Variants in LNX1 observed in about 807,000 individuals in gnomAD.
LNX1 encodes the protein E3 ubiquitin-protein ligase LNX.
In LNX1, 54 loss-of-function variants were observed where a neutral mutation model predicts 68.4. The observed-to-expected ratio is 0.79, with a 90% CI of 0.63 to 0.99. The LOEUF is 0.99. LNX1 is among the 50% of genes least tolerant of loss of function. The pLI is 0.00. For missense variants in LNX1, 906 were observed against 926.4 expected (o/e 0.98, Z 0.29); for synonymous variants, 336 against 350.0 (o/e 0.96, Z 0.45).
intron 2 of LNX1, among the ~76,000 whole-genome samples, chr4:53,544,260 T>C (rs1728950917): frequency 6.6e-6 from 1 of 151,910 alleles, no homozygotes; most frequent in South Asian, 2.1e-4. Flanking sequence ...AGTGGTGCCA[T>C]CTCAGCTCAC....
In LNX1 at chr4:53,498,722, G is replaced by T; in HGVS notation, c.897C>A (p.Val299=). Residue 299 remains valine (V), a synonymous_variant, in exon 5 of 11, where the codon GTC becomes GTA. Coordinates refer to ENST00000263925, the MANE Select transcript of LNX1 (RefSeq NM_001126328.3). ...GATAAATGTGTTGGATAATGATATG[G>T]ACCAGTGGGGTTTCGCTACCTCCCA... is the stretch of plus-strand genomic sequence containing the variant. The part of the protein sequence containing the change: ...RLVGGSETPL[V]HIIIQHIYRD... The T allele has an allele frequency of 1.2e-6, 2 of 1,613,976 alleles. No homozygotes were observed. The highest frequency in any genetic ancestry group is 2.2e-5 in the South Asian group (2 of 91,068).
At chr4:53,518,846 G>GT (rs1726994376) in intron 2 of LNX1, among the ~76,000 whole-genome samples, 1 of 152,130 alleles carries the variant, frequency 6.6e-6, no homozygotes, top group African/African-American at 2.4e-5. Context: ...TTAGAAGCAG[G>GT]TTTTTCATAA....
chr4:53,578,747 CACTT>C (rs1432578183), intron 1 of LNX1, among the ~76,000 whole-genome samples: 5 of 152,162 alleles, frequency 3.3e-5, no homozygotes, highest in African/African-American at 1.2e-4. Flanking sequence ...AATTCCCTGG[CACTT>C]ACCCATGTGG....
At chr4:53,493,903 C>T (rs974336929) in intron 6 of LNX1, among the ~76,000 whole-genome samples, 2 of 152,220 alleles carry the variant, frequency 1.3e-5, no homozygotes, top group Admixed American at 6.5e-5. Context: ...CTTTCCTAAA[C>T]CCTTCCAAGA....
chr4:53,596,628 T>A (rs1401592091), intron 2 of LNX1, among the ~76,000 whole-genome samples: 1 of 152,210 alleles, frequency 6.6e-6, no homozygotes, highest in African/African-American at 2.4e-5. Flanking sequence ...AAGGTTGCCA[T>A]GTCTTTGTTC....
At position 53,507,307 on chromosome 4, in the gene LNX1, G is replaced by A; in HGVS notation, c.775+10C>T. On this transcript the variant is annotated intron_variant, in intron 4 of 10. Coordinates refer to ENST00000263925, the MANE Select transcript of LNX1 (RefSeq NM_001126328.3). Reference sequence around the variant, plus strand: ...CCATGTCCATCCAGCCTTATGGGGAGTTCATTTACCTTCAGGGGCAGTGGT... The same window carrying A: ...CCATGTCCATCCAGCCTTATGGGGAATTCATTTACCTTCAGGGGCAGTGGT... 1.9e-6 allele frequency: 3 copies of A among 1,613,366 alleles called. No individual in the cohort carries two copies. Among genetic ancestry groups the A allele is most frequent in the African/African-American group, 2.7e-5 (2 of 74,968 alleles).
At chr4:53,530,328 T>C (rs1005364061) in intron 2 of LNX1, among the ~76,000 whole-genome samples, 4 of 152,094 alleles carry the variant, frequency 2.6e-5, no homozygotes, top group African/African-American at 9.7e-5. Context: ...ATAAAAGGTA[T>C]ACAAAAGTCA....
chr4:53,633,604 G>A (rs998842310), intron 1 of LNX1, among the ~76,000 whole-genome samples: 1 of 152,114 alleles, frequency 6.6e-6, no homozygotes, highest in Non-Finnish European at 1.5e-5. Context: ...AGACTCAGGG[G>A]GCTGGTTTGT....
At chr4:53,473,042 G>A (rs12507598) in intron 9 of LNX1, among the ~76,000 whole-genome samples, 15,416 of 152,024 alleles carry the variant, frequency 0.1, 992 homozygotes, top group East Asian at 0.16. Flanking sequence ...TATGAAATAC[G>A]GAAGGTGATT....
In LNX1 at chr4:53,468,020, A is replaced by G. The variant is rs375425269; in HGVS notation, c.1893-6427T>C. 3.9e-5 allele frequency among the ~76,000 whole-genome samples: 6 copies of G among 152,290 alleles called. No homozygotes were observed. The East Asian group carries it at 7.7e-4, about 20-fold the overall frequency. On this transcript the variant is annotated intron_variant, in intron 9 of 10. Coordinates refer to ENST00000263925, the MANE Select transcript of LNX1 (RefSeq NM_001126328.3). ...ACAAAGATAGTCCTCAAGAAGAGCA[A>G]CTCCAAGACACATAATTGTCAGATT...
chr4:53,632,299 C>G (rs1161553410), intron 1 of LNX1, among the ~76,000 whole-genome samples: 1 of 152,196 alleles, frequency 6.6e-6, no homozygotes, highest in Non-Finnish European at 1.5e-5. Flanking sequence ...CAGTGGGAAG[C>G]TGACAGCAGA....
intron 2 of LNX1, among the ~76,000 whole-genome samples, chr4:53,522,547 T>C (rs1426453835): frequency 6.6e-6 from 1 of 152,208 alleles, no homozygotes; most frequent in African/African-American, 2.4e-5. Context: ...TGGATGTTGG[T>C]TGAGCCTGTT....
intron 2 of LNX1, among the ~76,000 whole-genome samples, chr4:53,550,470 T>G (rs1272599231): frequency 6.6e-6 from 1 of 152,204 alleles, no homozygotes; most frequent in African/African-American, 2.4e-5. Context: ...CCCTTTTCAA[T>G]TTTGATAAGA....
intron 2 of LNX1, among the ~76,000 whole-genome samples, chr4:53,541,971 A>G (rs1339516420): frequency 6.6e-6 from 1 of 152,242 alleles, no homozygotes; most frequent in East Asian, 1.9e-4. Context: ...GCTGCTCCAG[A>G]TGACACATGG....
At chr4:53,634,393 G>A (rs532819679) in intron 1 of LNX1, among the ~76,000 whole-genome samples, 21 of 151,714 alleles carry the variant, frequency 1.4e-4, no homozygotes, top group East Asian at 3.9e-4. Context: ...ACAGGTGCAC[G>A]CTGCCAGACC....
chr4:53,639,387 G>A (rs2109882577), intron 1 of LNX1, among the ~76,000 whole-genome samples: 1 of 152,184 alleles, frequency 6.6e-6, no homozygotes, highest in East Asian at 1.9e-4. Flanking sequence ...GCTATGCTCA[G>A]TACCTGGGTG....
At chr4:53,501,299 T>TTTGGGGGGGGG (rs56165716) in intron 4 of LNX1, among the ~76,000 whole-genome samples, 15 of 38,786 alleles carry the variant, frequency 3.9e-4, no homozygotes, top group Non-Finnish European at 7.0e-4. Flanking sequence ...TTTTTTTTTT[T>TTTGGGGGGGGG]GGGGGTGGGG....
Position 53,573,630 on chromosome 4 carries a change from G to T in LNX1, c.373C>A (p.Gln125Lys). ...LQRCDLEHHFQTSCKGASHYG... is the reference protein window; with the variant it reads ...LQRCDLEHHFKTSCKGASHYG... Reference sequence around the variant, plus strand: ...CGCTGATGGGGGACCTACCTGGTTTGAAAGTGATGCTCGAGGTCACAGCGC... The same window carrying T: ...CGCTGATGGGGGACCTACCTGGTTTTAAAGTGATGCTCGAGGTCACAGCGC... Residue 125 changes from glutamine to lysine, a missense_variant, in exon 2 of 11, where the codon CAA (glutamine) becomes AAA (lysine). Coordinates refer to ENST00000263925, the MANE Select transcript of LNX1 (RefSeq NM_001126328.3). 6.2e-7 allele frequency: 1 copy of T among 1,600,792 alleles called. No individual in the cohort carries two copies. The highest frequency in any genetic ancestry group is 1.1e-5 in the South Asian group (1 of 88,432).
At position 53,574,085 on chromosome 4, in the gene LNX1, A is replaced by C. The variant is rs1731339145; in HGVS notation, c.-83T>G. The C allele has an allele frequency of 6.6e-7, 1 of 1,503,966 alleles. No homozygotes were observed. The highest frequency in any genetic ancestry group is 8.9e-7 in the Non-Finnish European group (1 of 1,129,438). The allele number at this position is 1,503,966 out of a possible 1,614,324, so 93.2% of individuals were successfully genotyped here. ...AAGTCAAGATCTAGGAGACATCCAC[A>C]CACCTAAAAAAGAACAAGAAGGCTC... On this transcript the variant is annotated 5_prime_UTR_variant, in exon 2 of 11. Coordinates refer to ENST00000263925, the MANE Select transcript of LNX1 (RefSeq NM_001126328.3).
Sources: allele counts gnomAD v4.1 joint callset (sites outside exome capture counted in the v4.1 genomes callset), GRCh38; gene constraint gnomAD v4.1.1; transcripts MANE v1.5; gene names NCBI Gene and HGNC (gene_info 2026-07-23, HGNC 2026-07-21).